Variants in HDAC9 observed in about 807,000 individuals in gnomAD.
HDAC9 encodes histone deacetylase 9, also known as MEF-2 interacting transcription repressor (MITR) protein.
In HDAC9, 41 loss-of-function variants were observed where a neutral mutation model predicts 139.4. The observed-to-expected ratio is 0.29, with a 90% CI of 0.23 to 0.38. The LOEUF (loss-of-function observed/expected upper bound fraction) is 0.38. Ranked by LOEUF, HDAC9 falls within the 10% of genes least tolerant of loss-of-function variation. The pLI is 1.00. For synonymous variants in HDAC9, 517 were observed against 476.2 expected (o/e 1.09, Z -1.12); for missense variants, 1,147 against 1,297.0 (o/e 0.88, Z 1.78).
intron 1 of HDAC9, among the ~76,000 whole-genome samples, chr7:18,425,206 TA>T (rs1790002637): frequency 2.6e-5 from 4 of 152,316 alleles, no homozygotes; most frequent in Middle Eastern, 3.4e-3. Flanking sequence ...AAGTAGATTT[TA>T]AAATTTCAGA....
chr7:18,842,909 A>G (rs1796676887), intron 21 of HDAC9, among the ~76,000 whole-genome samples: 1 of 152,120 alleles, frequency 6.6e-6, no homozygotes, highest in South Asian at 2.1e-4. Context: ...TAAAAAGTCC[A>G]GGAAGTATCT....
intron 1 of HDAC9, among the ~76,000 whole-genome samples, chr7:18,371,347 TAAG>T (rs1383190416): frequency 6.6e-6 from 1 of 152,186 alleles, no homozygotes; most frequent in East Asian, 1.9e-4. Flanking sequence ...AAATTAATGT[TAAG>T]AAGGAAGATA....
intron 2 of HDAC9, among the ~76,000 whole-genome samples, chr7:18,542,668 A>G (rs1813399309): frequency 6.6e-6 from 1 of 152,182 alleles, no homozygotes; most frequent in Non-Finnish European, 1.5e-5. Flanking sequence ...ATTTGGAAAT[A>G]TTTTTAAAAA....
At chr7:18,660,815 G>A (rs1484019519) in intron 11 of HDAC9, among the ~76,000 whole-genome samples, 1 of 152,120 alleles carries the variant, frequency 6.6e-6, no homozygotes, top group Admixed American at 6.6e-5. Context: ...GGCCAGGGTA[G>A]CTGGAGCATG....
chr7:18,543,014 G>A (rs544613060), intron 2 of HDAC9, among the ~76,000 whole-genome samples: 21 of 152,118 alleles, frequency 1.4e-4, no homozygotes, highest in Non-Finnish European at 2.9e-4. Context: ...AGAATGCTCC[G>A]ACTATGGTAA....
intron 22 of HDAC9, among the ~76,000 whole-genome samples, chr7:18,911,521 T>C (rs1489442653): frequency 6.6e-6 from 1 of 151,924 alleles, no homozygotes; most frequent in Non-Finnish European, 1.5e-5. Context: ...GTTCATTTCT[T>C]CTCTGAAACA....
chr7:18,435,470 T>A (rs1008129285), intron 1 of HDAC9, among the ~76,000 whole-genome samples: 2 of 152,150 alleles, frequency 1.3e-5, no homozygotes, highest in South Asian at 2.1e-4. Flanking sequence ...TAAGTAATAT[T>A]TGTACTATAC....
chr7:18,725,677 A>G (rs1785489285), intron 12 of HDAC9, among the ~76,000 whole-genome samples: 1 of 152,146 alleles, frequency 6.6e-6, no homozygotes, highest in Admixed American at 6.6e-5. Context: ...ATAAACATGT[A>G]CCCAGGAATT....
intron 7 of HDAC9, 82 bp from the exon 8 acceptor site, chr7:18,634,545 C>A: frequency 1.2e-6 from 1 of 805,538 alleles, no homozygotes; most frequent in South Asian, 1.7e-5. Context: ...AAATAACATG[C>A]CCAATGTTAC....
chr7:18,958,824 A>G (rs1011053421), intron 24 of HDAC9, among the ~76,000 whole-genome samples: 1 of 152,178 alleles, frequency 6.6e-6, no homozygotes, highest in Non-Finnish European at 1.5e-5. Flanking sequence ...AAAATACATG[A>G]GAGTCCATTT....
intron 1 of HDAC9, among the ~76,000 whole-genome samples, chr7:18,444,663 G>A (rs1178742248): frequency 6.6e-6 from 1 of 151,998 alleles, no homozygotes; most frequent in Non-Finnish European, 1.5e-5. Flanking sequence ...TAGTTTCATA[G>A]TTCTTTATAG....
At chr7:18,515,729 A>T (rs1194173692) in intron 2 of HDAC9, among the ~76,000 whole-genome samples, 1 of 152,242 alleles carries the variant, frequency 6.6e-6, no homozygotes, top group Admixed American at 6.5e-5. Flanking sequence ...TGGAGTTTCA[A>T]CATAAGCAAA....
chr7:18,996,027 G>T lies in HDAC9; in HGVS notation c.3175G>T (p.Ala1059Ser). Reference protein sequence around the residue: ...QPFAQEDSRTAGEPMEEEPAL With the variant: ...QPFAQEDSRTSGEPMEEEPAL ...ATTGCCTGTTTATTTTTACAGAACT[G>T]CTGGTGAGCCTATGGAAGAGGAGCC... Residue 1059 changes from alanine (A) to serine (S), a missense_variant, in exon 26 of 26, where the codon GCT becomes TCT. Around this residue, in one of 7 missense-constraint regions of HDAC9, gnomAD observed 407 missense variants for 521.5 expected, o/e 0.78. Transcript: ENST00000686413. The T allele has an allele frequency of 6.2e-7, 1 of 1,602,188 alleles. No individual in the cohort carries two copies. The highest frequency in any genetic ancestry group is 8.5e-7 in the Non-Finnish European group (1 of 1,174,250).
intron 2 of HDAC9, among the ~76,000 whole-genome samples, chr7:18,240,012 C>A (rs996343831): frequency 5.6e-5 from 8 of 143,204 alleles, no homozygotes; most frequent in Non-Finnish European, 1.2e-4. Flanking sequence ...CAGAAAACTT[C>A]GGTGTTTCTA....
chr7:18,949,900 AT>A (rs1782674326), intron 23 of HDAC9: 1 of 152,122 alleles, frequency 6.6e-6, no homozygotes, highest in African/African-American at 2.4e-5. Context: ...TATTTTATAT[AT>A]ATAGTGTAAA....
At chr7:18,107,213 A>G (rs1352826367) in intron 1 of HDAC9, among the ~76,000 whole-genome samples, 4 of 152,178 alleles carry the variant, frequency 2.6e-5, no homozygotes, top group African/African-American at 9.6e-5. Flanking sequence ...ATCCCTTGCT[A>G]CCCTAAATGG....
At chr7:18,375,810 T>A (rs1289394378) in intron 1 of HDAC9, among the ~76,000 whole-genome samples, 3 of 152,202 alleles carry the variant, frequency 2.0e-5, no homozygotes, top group Non-Finnish European at 2.9e-5. Flanking sequence ...GTCCTGGGTA[T>A]GCCACCTCAC....
Position 18,958,760 on chromosome 7 carries a change from A to G in HDAC9, c.3022+4530A>G, listed in dbSNP as rs189098685. 6.6e-5 allele frequency among the ~76,000 whole-genome samples: 10 copies of G among 152,290 alleles called. No individual in the cohort carries two copies. In the East Asian group the frequency reaches 9.7e-4, roughly 15 times the overall value. The stretch of plus-strand genomic sequence containing the variant: ...CGTTGATTTTTGTAACTAACCTCAC[A>G]TATTTATACTCCTTGGCACACTCAT... On this transcript the variant is annotated intron_variant, in intron 24 of 25. Transcript: ENST00000686413.
At chr7:18,502,324 A>T (rs899354006) in intron 2 of HDAC9, 1 of 152,116 alleles carries the variant, frequency 6.6e-6, no homozygotes, top group Non-Finnish European at 1.5e-5. Flanking sequence ...GAATAGCATC[A>T]CCTGCCTATT....
Sources: allele counts gnomAD v4.1 joint callset (sites outside exome capture counted in the v4.1 genomes callset), GRCh38; gene constraint gnomAD v4.1.1; regional missense constraint gnomAD v4.1.1; transcripts MANE v1.5; gene names NCBI Gene and HGNC (gene_info 2026-07-23, HGNC 2026-07-21).